The following LRMDA variants were observed in gnomAD, a reference collection of about 807,000 sequenced individuals.
LRMDA encodes leucine rich melanocyte differentiation associated.
LRMDA carries 18 observed loss-of-function variants against 29.8 expected under a neutral mutation model. The observed-to-expected ratio is 0.60, with a 90% CI of 0.42 to 0.90. LRMDA has a LOEUF of 0.90. Ranked by LOEUF, LRMDA falls within the 40% of genes least tolerant of loss-of-function variation. The pLI, the probability that LRMDA is intolerant of heterozygous loss-of-function variation, is 0.00. For synonymous variants in LRMDA, 125 were observed against 109.4 expected (o/e 1.14, Z -0.89); for missense variants, 273 against 273.9 (o/e 1.00, Z 0.02).
chr10:76,526,606 T>C lies in LRMDA; in HGVS notation c.602-30603T>C, dbSNP rs957136596. ...AGGATAAAAGGGAGCCAATGCATAG[T>C]GTCTCCTATGTAAGATAAATCGCAT... On this transcript the variant is annotated intron_variant, in intron 6 of 6. Transcript: ENST00000611255. Among the ~76,000 whole-genome samples, 5 of 152,222 alleles carry C rather than the reference T, an allele frequency of 3.3e-5. No homozygotes were observed. In the South Asian group the frequency reaches 8.3e-4, roughly 25 times the overall value.
At chr10:76,176,417 C>T (rs889927013) in intron 5 of LRMDA, among the ~76,000 whole-genome samples, 8 of 152,124 alleles carry the variant, frequency 5.3e-5, no homozygotes, top group African/African-American at 1.7e-4. Flanking sequence ...TAGAGGCTGG[C>T]GCTGCTTGGG....
At chr10:76,287,313 C>T (rs900417785) in intron 5 of LRMDA, among the ~76,000 whole-genome samples, 2 of 152,014 alleles carry the variant, frequency 1.3e-5, no homozygotes, top group Non-Finnish European at 2.9e-5. Flanking sequence ...TTGTCAAGGG[C>T]CAGACCAGAT....
chr10:76,151,527 G>A (rs1337878553), intron 5 of LRMDA, among the ~76,000 whole-genome samples: 1 of 152,146 alleles, frequency 6.6e-6, no homozygotes, highest in Non-Finnish European at 1.5e-5. Flanking sequence ...TCGTCGCCTG[G>A]CACATATCAG....
Position 76,448,308 on chromosome 10 carries a change from C to A in LRMDA, c.602-108901C>A, listed in dbSNP as rs546994579. The stretch of plus-strand genomic sequence containing the variant: ...CTTCAAAAGCAATTTTTTTAACAGC[C>A]CCTTAATGTCCCAACATATGGAGGT... On this transcript the variant is annotated intron_variant, in intron 6 of 6. Coordinates refer to ENST00000611255, the MANE Select transcript of LRMDA (RefSeq NM_001305581.2). Among the ~76,000 whole-genome samples the A allele has an allele frequency of 3.9e-5, 6 of 152,074 alleles. 1 individual carries two copies. In the South Asian group the frequency reaches 1.0e-3, roughly 26 times the overall value.
intron 5 of LRMDA, among the ~76,000 whole-genome samples, chr10:76,101,564 C>A (rs946115313): frequency 6.6e-5 from 10 of 152,106 alleles, no homozygotes; most frequent in Non-Finnish European, 1.0e-4. Flanking sequence ...TGGGGAAGCT[C>A]TGTCTCTATT....
chr10:76,141,331 T>C (rs542446509), intron 5 of LRMDA, among the ~76,000 whole-genome samples: 1 of 152,184 alleles, frequency 6.6e-6, no homozygotes, highest in East Asian at 1.9e-4. Context: ...CAGCAATGGA[T>C]TACTAAAAGA....
In LRMDA at chr10:75,937,210, A is replaced by G. The variant is rs115504433; in HGVS notation, c.132-98798A>G. Among the ~76,000 whole-genome samples, 735 of 152,334 alleles carry G rather than the reference A, an allele frequency of 4.8e-3. 7 individuals carry two copies. The highest frequency in any genetic ancestry group is 0.017 in the African/African-American group (688 of 41,570). ...TTTTTGCTAAATTTGTTGAACAGAG[A>G]TAAATATTTTTAAAATCTTATTTTA... On this transcript the variant is annotated intron_variant, in intron 2 of 6. Transcript: ENST00000611255.
chr10:75,489,806 A>G (rs1844961648), intron 2 of LRMDA, among the ~76,000 whole-genome samples: 1 of 152,204 alleles, frequency 6.6e-6, no homozygotes, highest in Non-Finnish European at 1.5e-5. Flanking sequence ...TGGACTTAAG[A>G]TAAATGCTAC....
intron 6 of LRMDA, among the ~76,000 whole-genome samples, chr10:76,531,635 G>A (rs553959785): frequency 7.2e-5 from 11 of 152,210 alleles, no homozygotes; most frequent in African/African-American, 2.6e-4. Context: ...AGGATAAAGT[G>A]TACTTGGTCA....
intron 5 of LRMDA, among the ~76,000 whole-genome samples, chr10:76,300,928 A>G (rs1281772914): frequency 6.6e-6 from 1 of 152,208 alleles, no homozygotes; most frequent in African/African-American, 2.4e-5. Flanking sequence ...TTATGGGAAC[A>G]TGCCAAGTAC....
intron 6 of LRMDA, among the ~76,000 whole-genome samples, chr10:76,442,289 T>C (rs753582214): frequency 8.5e-5 from 13 of 152,202 alleles, no homozygotes; most frequent in Non-Finnish European, 1.9e-4. Flanking sequence ...GTGACTGAGA[T>C]TGATGGAACA....
At chr10:76,549,036 G>A (rs1182464521) in intron 6 of LRMDA, among the ~76,000 whole-genome samples, 1 of 152,138 alleles carries the variant, frequency 6.6e-6, no homozygotes, top group Non-Finnish European at 1.5e-5. Flanking sequence ...ATTTTCCACT[G>A]ACAGATTATA....
intron 6 of LRMDA, among the ~76,000 whole-genome samples, chr10:76,549,581 C>T (rs79506118): frequency 0.019 from 2,919 of 152,258 alleles, 96 homozygotes; most frequent in African/African-American, 0.066. Flanking sequence ...TGGTAGAAGA[C>T]AGCATATCAG....
chr10:76,298,416 C>G (rs928634593), intron 5 of LRMDA, among the ~76,000 whole-genome samples: 3 of 152,200 alleles, frequency 2.0e-5, no homozygotes, highest in Non-Finnish European at 4.4e-5. Flanking sequence ...CTGCCATCCT[C>G]TCTCCTTGTC....
At chr10:76,463,142 T>C (rs1023795160) in intron 6 of LRMDA, among the ~76,000 whole-genome samples, 8 of 152,152 alleles carry the variant, frequency 5.3e-5, no homozygotes, top group African/African-American at 1.9e-4. Flanking sequence ...ACTGCCCTTC[T>C]TTGATCAGCA....
chr10:75,851,193 C>T (rs1844727212), intron 2 of LRMDA, among the ~76,000 whole-genome samples: 2 of 152,134 alleles, frequency 1.3e-5, no homozygotes, highest in African/African-American at 4.8e-5. Context: ...TTGGTTACTT[C>T]AGCACAAACA....
intron 5 of LRMDA, among the ~76,000 whole-genome samples, chr10:76,059,766 G>C (rs1262957083): frequency 6.6e-6 from 1 of 152,214 alleles, no homozygotes; most frequent in Non-Finnish European, 1.5e-5. Context: ...CTTCCATCAA[G>C]TTGCTCTGCT....
chr10:75,740,150 T>C (rs1216235570), intron 2 of LRMDA, among the ~76,000 whole-genome samples: 2 of 152,218 alleles, frequency 1.3e-5, no homozygotes, highest in African/African-American at 4.8e-5. Flanking sequence ...TAAAATAAAA[T>C]AAATGCGTGC....
intron 2 of LRMDA, among the ~76,000 whole-genome samples, chr10:75,916,105 C>T (rs58965305): frequency 0.13 from 19,098 of 152,004 alleles, 1,357 homozygotes; most frequent in Middle Eastern, 0.3. Flanking sequence ...CCTGCTTTGT[C>T]ACCATCTTGG....
Sources: allele counts gnomAD v4.1 joint callset (sites outside exome capture counted in the v4.1 genomes callset), GRCh38; gene constraint gnomAD v4.1.1; transcripts MANE v1.5; gene names NCBI Gene and HGNC (gene_info 2026-07-23, HGNC 2026-07-21).